Variants in IL17RA observed in about 807,000 individuals in gnomAD.
The protein encoded by IL17RA is interleukin-17 receptor A.
In IL17RA, 34 loss-of-function variants were observed where a neutral mutation model predicts 50.4. The ratio of observed to expected loss-of-function variants is 0.67; its 90% CI spans 0.51 to 0.90. The LOEUF is 0.90. Among genes scored for constraint, IL17RA ranks in the 40% least tolerant of loss-of-function variants. The probability of loss-of-function intolerance (pLI) is 0.00; values close to 1 mark genes in which losing one functional copy is unlikely to be tolerated. For missense variants in IL17RA, 1,276 were observed against 1,169.8 expected (o/e 1.09, Z -1.32); for synonymous variants, 585 against 510.4 (o/e 1.15, Z -1.97).
chr22:17,106,495 C>T (rs182288144), intron 11 of IL17RA, among the ~76,000 whole-genome samples: 16 of 152,306 alleles, frequency 1.1e-4, no homozygotes, highest in Admixed American at 3.3e-4. Flanking sequence ...AAGGGTGTGA[C>T]GAAGGTTAAA....
At chr22:17,094,910 A>G (rs6518660) in intron 1 of IL17RA, among the ~76,000 whole-genome samples, 26,000 of 151,152 alleles carry the variant, frequency 0.17, 2,329 homozygotes, top group South Asian at 0.25. Context: ...CTATTCAACC[A>G]TTTCTAGTTT....
chr22:17,098,303 T>TA (rs1327298653), intron 3 of IL17RA, among the ~76,000 whole-genome samples: 1 of 152,228 alleles, frequency 6.6e-6, no homozygotes, highest in African/African-American at 2.4e-5. Flanking sequence ...CCAGCACTTT[T>TA]AAAACGTCCC....
chr22:17,087,245 C>A (rs1390258306), intron 1 of IL17RA, among the ~76,000 whole-genome samples: 1 of 152,208 alleles, frequency 6.6e-6, no homozygotes. Flanking sequence ...ACAGAGGTGG[C>A]CAGAGGACCT....
rs766898199 is a variant in IL17RA, at chr22:17,105,622, C to T, written c.943+20C>T. 67 of 1,612,668 alleles carry T rather than the reference C, an allele frequency of 4.2e-5. No individual in the cohort carries two copies. Among genetic ancestry groups the T allele is most frequent in the Non-Finnish European group, 5.2e-5 (61 of 1,178,824 alleles). ...TTCCGGGTAAGCTTGGATCTCTCTC[C>T]GACAGCACTGCAGCCCTCAGGGGAC... On this transcript the variant is annotated intron_variant, in intron 10 of 12. Transcript: ENST00000319363.
chr22:17,101,417 C>T (rs959719691), intron 5 of IL17RA, among the ~76,000 whole-genome samples: 4 of 152,232 alleles, frequency 2.6e-5, no homozygotes, highest in African/African-American at 9.6e-5. Flanking sequence ...TGGCTCATCA[C>T]TCCCTGACTG....
At position 17,108,961 on chromosome 22, in the gene IL17RA, G is replaced by A. The variant is rs777862276; in HGVS notation, c.1742G>A (p.Cys581Tyr). Residue 581 changes from cysteine (C) to tyrosine (Y), a missense_variant, in exon 13 of 13, where the codon TGT (cysteine) becomes TAT (tyrosine). Cys to Tyr is a radical substitution (Grantham distance 194). Coordinates refer to ENST00000319363, the MANE Select transcript of IL17RA (RefSeq NM_014339.7). Reference sequence around the variant, plus strand: ...AGGTTCCGGGACTGGCAGGTCCGCTGTCCCGACTGGTTCGAATGTGAGAAC... The same window carrying A: ...AGGTTCCGGGACTGGCAGGTCCGCTATCCCGACTGGTTCGAATGTGAGAAC... Reference protein sequence around the residue: ...LDRFRDWQVRCPDWFECENLY... With the variant: ...LDRFRDWQVRYPDWFECENLY... The A allele has an allele frequency of 2.3e-5, 37 of 1,606,664 alleles. No homozygotes were observed. The highest frequency in any genetic ancestry group is 2.9e-5 in the Non-Finnish European group (34 of 1,178,802).
rs768313727 is a variant in IL17RA, at chr22:17,102,304, T to C, written c.762+2T>C. 6.2e-7 allele frequency: 1 copy of C among 1,614,172 alleles called. No homozygotes were observed. The highest frequency in any genetic ancestry group is 1.1e-5 in the South Asian group (1 of 91,088). ...GAGCACATGCACCACATACCTGCGG[T>C]AACTCTGCTCTTTTTGACCCCTCTA... On this transcript the variant is annotated splice_donor_variant, in intron 7 of 12. Transcript: ENST00000319363. LOFTEE classifies it high-confidence loss of function.
At chr22:17,105,719 GT>G (rs144979983) in intron 10 of IL17RA, 117 bp downstream of exon 10, 712,817 of 1,367,718 alleles carry the variant, frequency 0.52, 189,272 homozygotes, top group East Asian at 0.78. Context: ...CCAGCCCGGG[GT>G]GGGGGGTGAG....
rs2061430526 is a variant in IL17RA at position 17,109,441 on chromosome 22, C to T, written c.2222C>T (p.Pro741Leu). The T allele has an allele frequency of 1.2e-6, 2 of 1,613,308 alleles. No individual in the cohort carries two copies. Among genetic ancestry groups the T allele is most frequent in the Admixed American group, 3.3e-5 (2 of 59,992 alleles). ...CCCATGGCGTCTCCTGACCTCCTTC[C>T]AGAGGACGTGAGGGAGCACCTCGAA... ...STPMASPDLL[P>L]EDVREHLEGL... Residue 741 changes from proline to leucine, a missense_variant, in exon 13 of 13, where the codon CCA becomes CTA. Coordinates refer to ENST00000319363, the MANE Select transcript of IL17RA (RefSeq NM_014339.7).
rs1415054873 is a variant in IL17RA at position 17,109,323 on chromosome 22, G to C, written c.2104G>C (p.Ala702Pro). ...VRLALAGEGEACPLLGSPGAG... is the reference protein window; with the variant it reads ...VRLALAGEGEPCPLLGSPGAG... ...GCTGGCACTGGCGGGGGAGGGCGAG[G>C]CCTGCCCGCTGCTGGGCAGCCCGGG... The change falls in exon 13 of 13, where the codon GCC becomes CCC. Residue 702 changes from alanine to proline, a missense_variant. Coordinates refer to ENST00000319363, the MANE Select transcript of IL17RA (RefSeq NM_014339.7). The C allele has an allele frequency of 6.5e-7, 1 of 1,544,538 alleles. No homozygotes were observed. The highest frequency in any genetic ancestry group is 8.7e-7 in the Non-Finnish European group (1 of 1,149,388).
chr22:17,102,231 C>T lies in IL17RA; in HGVS notation c.691C>T (p.Gln231Ter). ...CCTGTGGAACGAATCTACCCATTAC[C>T]AGATCCTGCTGACCAGTTTTCCGCA... The part of the protein sequence containing the change: ...FTLWNESTHY[Q>*]ILLTSFPHME... The change falls in exon 7 of 13, where the codon CAG becomes TAG. Residue 231 changes from glutamine to a stop codon, truncating the protein, a stop_gained. Transcript: ENST00000319363. LOFTEE classifies it high-confidence loss of function. The T allele has an allele frequency of 6.2e-7, 1 of 1,614,190 alleles. No individual in the cohort carries two copies. The highest frequency in any genetic ancestry group is 8.5e-7 in the Non-Finnish European group (1 of 1,180,038).
Position 17,108,482 on chromosome 22 carries a change from G to A in IL17RA, c.1263G>A (p.Ser421=). 3 of 1,613,398 alleles carry A rather than the reference G, an allele frequency of 1.9e-6. No homozygotes were observed. The highest frequency in any genetic ancestry group is 1.1e-5 in the South Asian group (1 of 91,088). ...ACCTGCTGGAAGAGCAGGCCATCTC[G>A]GAGGCAGGAGTCATGACCTGGGTGG... is the stretch of plus-strand genomic sequence containing the variant. The part of the protein sequence containing the change: ...ALDLLEEQAI[S]EAGVMTWVGR... The change falls in exon 13 of 13, where the codon TCG becomes TCA. Residue 421 remains serine, a synonymous_variant. Transcript: ENST00000319363.
chr22:17,113,532 A>G lies in IL17RA; in HGVS notation c.*3712A>G, dbSNP rs2061453830. The G allele has an allele frequency of 6.6e-6, 1 of 152,260 alleles. No individual in the cohort carries two copies. Among genetic ancestry groups the G allele is most frequent in the Non-Finnish European group, 1.5e-5 (1 of 68,050 alleles). 9.4% of individuals were successfully genotyped at this position (152,260 alleles called of 1,614,324 possible). ...TATCTTTGAAAATTAAATAGGGCAT[A>G]AGAGAGAAGAAGATGTACTTACAAT... On this transcript the variant is annotated 3_prime_UTR_variant, in exon 13 of 13. Coordinates refer to ENST00000319363, the MANE Select transcript of IL17RA (RefSeq NM_014339.7).
chr22:17,100,541 G>A (rs2123800996), intron 5 of IL17RA, 60 bp downstream of exon 5: 8 of 1,600,454 alleles, frequency 5.0e-6, no homozygotes, highest in East Asian at 2.2e-5. Flanking sequence ...GGAAGCACCA[G>A]GTGGCACAGA....
At chr22:17,093,558 T>TATTC (rs373590109) in intron 1 of IL17RA, 28 of 152,418 alleles carry the variant, frequency 1.8e-4, no homozygotes, top group African/African-American at 6.7e-4. Flanking sequence ...GTTATTTATT[T>TATTC]ATTCATTCAT....
intron 1 of IL17RA, among the ~76,000 whole-genome samples, chr22:17,092,899 T>C (rs1257310143): frequency 6.6e-6 from 1 of 152,222 alleles, no homozygotes; most frequent in Admixed American, 6.5e-5. Context: ...AGACTAACCC[T>C]TCTATTGAAT....
chr22:17,109,333 T>A lies in IL17RA; in HGVS notation c.2114T>A (p.Leu705Gln). 1 of 1,563,852 alleles carries A rather than the reference T, an allele frequency of 6.4e-7. No homozygotes were observed. The highest frequency in any genetic ancestry group is 8.6e-7 in the Non-Finnish European group (1 of 1,158,766). ...ALAGEGEACPLLGSPGAGRNS... is the reference protein window; with the variant it reads ...ALAGEGEACPQLGSPGAGRNS... Reference sequence around the variant, plus strand: ...GCGGGGGAGGGCGAGGCCTGCCCGCTGCTGGGCAGCCCGGGCGCTGGGCGA... The same window carrying A: ...GCGGGGGAGGGCGAGGCCTGCCCGCAGCTGGGCAGCCCGGGCGCTGGGCGA... The change falls in exon 13 of 13, where the codon CTG (leucine) becomes CAG (glutamine). Residue 705 changes from leucine (L) to glutamine (Q), a missense_variant. By Grantham distance (113) the Leu-to-Gln change is moderately radical. Coordinates refer to ENST00000319363, the MANE Select transcript of IL17RA (RefSeq NM_014339.7).
rs778995730 is a variant in IL17RA at position 17,109,806 on chromosome 22, G to A, written c.2587G>A (p.Gly863Arg). 78 of 1,549,760 alleles carry A rather than the reference G, an allele frequency of 5.0e-5. No individual in the cohort carries two copies. In the African/African-American group the frequency reaches 8.7e-4, roughly 17 times the overall value. ...GWDTMGSESE[G>R]PSA is the part of the protein sequence containing the mutation. ...GGACACGATGGGGTCAGAGTCAGAG[G>A]GGCCCAGTGCATGAGGGCGGCTCCC... is the stretch of plus-strand genomic sequence containing the variant. The change falls in exon 13 of 13, where the codon GGG (glycine) becomes AGG (arginine). Residue 863 changes from glycine (G) to arginine (R), a missense_variant. Transcript: ENST00000319363.
chr22:17,098,092 A>G, intron 3 of IL17RA, 149 bp downstream of exon 3: 2 of 892,700 alleles, frequency 2.2e-6, no homozygotes, highest in Non-Finnish European at 3.5e-6. Flanking sequence ...CATGCAGTCA[A>G]ATACTTGTTC....
Sources: gnomAD v4.1 joint callset for allele counts (sites outside exome capture counted in the v4.1 genomes callset) on GRCh38, gnomAD v4.1.1 for gene constraint, MANE v1.5 for transcripts, NCBI Gene and HGNC (gene_info 2026-07-23, HGNC 2026-07-21) for gene names.